DEPDC1B: variants seen among roughly 807,000 people sequenced by gnomAD.
The protein encoded by DEPDC1B is DEP domain containing 1B, also known as DEP domain-containing protein 1B.
A neutral mutation model predicts 66.5 loss-of-function variants in DEPDC1B; 51 were observed. The ratio of observed to expected loss-of-function variants is 0.77; its 90% CI spans 0.61 to 0.97. DEPDC1B has a LOEUF of 0.97. Ranked by LOEUF, DEPDC1B falls within the 50% of genes least tolerant of loss-of-function variation. DEPDC1B has a pLI of 0.00. For synonymous variants in DEPDC1B, 226 were observed against 223.6 expected, an observed-to-expected ratio of 1.01 and a Z score of -0.10; for missense variants, 552 against 637.1, an observed-to-expected ratio of 0.87 and a Z score of 1.44.
chr5:60,629,783 T>C (rs1752884000), intron 7 of DEPDC1B, among the ~76,000 whole-genome samples: 1 of 152,188 alleles, frequency 6.6e-6, no homozygotes, highest in Admixed American at 6.5e-5. Flanking sequence ...CCCTTTCAGA[T>C]ATATAATCCC....
chr5:60,638,142 C>G (rs1753099741), intron 7 of DEPDC1B, among the ~76,000 whole-genome samples: 1 of 152,140 alleles, frequency 6.6e-6, no homozygotes, highest in African/African-American at 2.4e-5. Context: ...ACAAGAAAAT[C>G]TGATTTCCAA....
chr5:60,699,920 C>A, intron 1 of DEPDC1B, 126 bp downstream of exon 1: 1 of 1,188,774 alleles, frequency 8.4e-7, no homozygotes, highest in South Asian at 1.4e-5. Context: ...GTAGTCCCAG[C>A]TGAAATGCTC....
intron 1 of DEPDC1B, among the ~76,000 whole-genome samples, chr5:60,699,052 C>A (rs1754717608): frequency 6.6e-6 from 1 of 152,176 alleles, no homozygotes. Context: ...ACTATGATTT[C>A]TCTTCCAGAA....
intron 2 of DEPDC1B, among the ~76,000 whole-genome samples, chr5:60,659,278 C>T (rs1354250248): frequency 6.6e-6 from 1 of 152,164 alleles, no homozygotes; most frequent in Admixed American, 6.5e-5. Context: ...CTCCACCCCC[C>T]GTAACATCTG....
chr5:60,682,333 G>A (rs1302711944), intron 2 of DEPDC1B, among the ~76,000 whole-genome samples: 2 of 152,198 alleles, frequency 1.3e-5, no homozygotes, highest in Non-Finnish European at 2.9e-5. Flanking sequence ...CATGGACACA[G>A]GAAGGGGACC....
At chr5:60,662,131 G>A (rs1753729891) in intron 2 of DEPDC1B, among the ~76,000 whole-genome samples, 1 of 151,416 alleles carries the variant, frequency 6.6e-6, no homozygotes, top group Admixed American at 6.6e-5. Flanking sequence ...ATTCACGCCT[G>A]TAATCCCAGC....
intron 7 of DEPDC1B, among the ~76,000 whole-genome samples, chr5:60,630,360 C>A (rs192844499): frequency 6.6e-6 from 1 of 152,278 alleles, no homozygotes; most frequent in East Asian, 1.9e-4. Context: ...CTGCAAGGAC[C>A]AACGGAGCAG....
chr5:60,672,408 G>T (rs947519481), intron 2 of DEPDC1B, among the ~76,000 whole-genome samples: 6 of 152,326 alleles, frequency 3.9e-5, no homozygotes, highest in Admixed American at 3.9e-4. Flanking sequence ...ATGGCAGAAG[G>T]CAAAGGAGAA....
intron 2 of DEPDC1B, among the ~76,000 whole-genome samples, chr5:60,677,272 A>C (rs1052569367): frequency 6.8e-6 from 1 of 147,334 alleles, no homozygotes. Context: ...GATTCTGCTA[A>C]GTAGCAGAAT....
chr5:60,664,746 A>G (rs1280834044), intron 2 of DEPDC1B, among the ~76,000 whole-genome samples: 2 of 152,214 alleles, frequency 1.3e-5, no homozygotes, highest in Non-Finnish European at 2.9e-5. Flanking sequence ...ACTAGCGCTC[A>G]GGTGGCAGAA....
intron 7 of DEPDC1B, among the ~76,000 whole-genome samples, chr5:60,613,786 A>G (rs1278507004): frequency 7.1e-5 from 7 of 98,530 alleles, no homozygotes; most frequent in Non-Finnish European, 1.4e-4. Context: ...TTACATATGT[A>G]TTTGTGTGTG....
chr5:60,674,875 G>A (rs1754120691), intron 2 of DEPDC1B, among the ~76,000 whole-genome samples: 1 of 152,138 alleles, frequency 6.6e-6, no homozygotes, highest in Admixed American at 6.5e-5. Flanking sequence ...ATAAGACAAA[G>A]GAGGAAAAGG....
chr5:60,655,759 A>C (rs1206526402), intron 2 of DEPDC1B, among the ~76,000 whole-genome samples: 1 of 149,062 alleles, frequency 6.7e-6, no homozygotes, highest in African/African-American at 2.5e-5. Context: ...CATTCAATAC[A>C]ATGAATTTTC....
chr5:60,607,835 G>A (rs146126044), intron 7 of DEPDC1B, among the ~76,000 whole-genome samples: 247 of 152,318 alleles, frequency 1.6e-3, no homozygotes, highest in African/African-American at 5.6e-3. Flanking sequence ...TAATGTGAGA[G>A]CATGCTGGGA....
At chr5:60,638,167 C>T (rs967406765) in intron 7 of DEPDC1B, among the ~76,000 whole-genome samples, 3 of 152,130 alleles carry the variant, frequency 2.0e-5, no homozygotes, top group Admixed American at 6.5e-5. Context: ...AAAGGAATAT[C>T]GGAACGAACT....
chr5:60,605,319 A>G (rs1752286451), intron 8 of DEPDC1B, among the ~76,000 whole-genome samples: 1 of 152,206 alleles, frequency 6.6e-6, no homozygotes, highest in South Asian at 2.1e-4. Context: ...ATCTCATTAC[A>G]AAAAAATGAT....
rs1251997576 is a variant in DEPDC1B at position 60,626,719 on chromosome 5, T to C, written c.898+12031A>G. Among the ~76,000 whole-genome samples the C allele has an allele frequency of 3.3e-5, 5 of 152,188 alleles. No individual in the cohort carries two copies. In the East Asian group the frequency reaches 9.6e-4, roughly 29 times the overall value. ...TTTTGCATACTATTCTTTCTTTTTT[T>C]AATGTTATTCTACAATACAGATTTC... On this transcript the variant is annotated intron_variant, in intron 7 of 10. Coordinates refer to ENST00000265036, the MANE Select transcript of DEPDC1B (RefSeq NM_018369.3).
In DEPDC1B at chr5:60,627,906, C is replaced by G. The variant is rs182667066; in HGVS notation, c.898+10844G>C. Among the ~76,000 whole-genome samples, 331 of 152,242 alleles carry G rather than the reference C, an allele frequency of 2.2e-3. 2 individuals carry two copies. Among genetic ancestry groups the G allele is most frequent in the African/African-American group, 7.7e-3 (319 of 41,562 alleles). On this transcript the variant is annotated intron_variant, in intron 7 of 10. Coordinates refer to ENST00000265036, the MANE Select transcript of DEPDC1B (RefSeq NM_018369.3). ...TTATCACTGCCACTTAATGAGAAAA[C>G]TGGGTCCAGAAAGGCAGTGATTTGT...
At chr5:60,677,326 A>ACTCTCCCTCTCTCT (rs1554055592) in intron 2 of DEPDC1B, among the ~76,000 whole-genome samples, 4 of 108,564 alleles carry the variant, frequency 3.7e-5, no homozygotes, top group African/African-American at 1.6e-4. Context: ...ACACACACAC[A>ACTCTCCCTCTCTCT]CTCTCTCTCT....
Sources: allele counts gnomAD v4.1 joint callset (sites outside exome capture counted in the v4.1 genomes callset), GRCh38; gene constraint gnomAD v4.1.1; transcripts MANE v1.5; gene names NCBI Gene and HGNC (gene_info 2026-07-23, HGNC 2026-07-21).